The following ETFB variants were observed in gnomAD, a reference collection of about 807,000 sequenced individuals.
ETFB encodes beta-ETF.
A neutral mutation model predicts 25.6 loss-of-function variants in ETFB; 20 were observed. The ratio of observed to expected loss-of-function variants is 0.78; its 90% CI spans 0.55 to 1.14. ETFB has a LOEUF of 1.14. Among genes scored for constraint, ETFB ranks in the 50% most tolerant of loss-of-function variants. The pLI, the probability that ETFB is intolerant of heterozygous loss-of-function variation, is 0.00. For missense variants in ETFB, 286 were observed against 342.6 expected (o/e 0.83, Z 1.30); for synonymous variants, 142 against 146.7 (o/e 0.97, Z 0.23).
intron 1 of ETFB, among the ~76,000 whole-genome samples, chr19:51,358,022 C>A (rs895731129): frequency 6.6e-6 from 1 of 152,214 alleles, no homozygotes; most frequent in Non-Finnish European, 1.5e-5. Context: ...GTCAGTACAT[C>A]AGCCAGAGCC....
chr19:51,349,722 G>A (rs1985884819), intron 4 of ETFB, among the ~76,000 whole-genome samples: 1 of 151,992 alleles, frequency 6.6e-6, no homozygotes, highest in Admixed American at 6.6e-5. Flanking sequence ...TAGGACTACA[G>A]GTGTGAGCCA....
chr19:51,346,644 C>T, intron 5 of ETFB: 2 of 494,628 alleles, frequency 4.0e-6, no homozygotes, highest in South Asian at 5.1e-5. Context: ...ACACCTTCTG[C>T]TGCCCAGCGA....
At chr19:51,362,687 A>G (rs1986261413) in intron 1 of ETFB, among the ~76,000 whole-genome samples, 1 of 152,230 alleles carries the variant, frequency 6.6e-6, no homozygotes, top group African/African-American at 2.4e-5. Context: ...TGTACAGAGT[A>G]GAAAAATGAG....
At chr19:51,363,573 C>G (rs1270390821) in intron 1 of ETFB, among the ~76,000 whole-genome samples, 1 of 152,042 alleles carries the variant, frequency 6.6e-6, no homozygotes, top group Non-Finnish European at 1.5e-5. Flanking sequence ...CTCAGCCTCC[C>G]GAGTAGCTGG....
chr19:51,355,416 G>C (rs962873721), intron 1 of ETFB: 2 of 152,176 alleles, frequency 1.3e-5, no homozygotes, highest in African/African-American at 4.8e-5. Flanking sequence ...CAGTTAGAAC[G>C]GCGATCATTA....
chr19:51,351,915 T>C (rs1269553389), intron 3 of ETFB, among the ~76,000 whole-genome samples: 2 of 152,000 alleles, frequency 1.3e-5, no homozygotes, highest in Admixed American at 1.3e-4. Flanking sequence ...TTGGCCTTCC[T>C]TCTCAGCCTC....
At chr19:51,360,437 A>T (rs12460204) in intron 1 of ETFB, among the ~76,000 whole-genome samples, 93,453 of 151,802 alleles carry the variant, frequency 0.62, 32,881 homozygotes, top group Non-Finnish European at 0.81. Context: ...AAATTTTTTT[A>T]AAAGCAGCAC....
intron 1 of ETFB, among the ~76,000 whole-genome samples, chr19:51,361,503 G>A (rs1360821661): frequency 2.0e-5 from 3 of 152,144 alleles, no homozygotes; most frequent in Non-Finnish European, 1.5e-5. Context: ...GAGAGCAGGA[G>A]GGGCAAGTGC....
At chr19:51,357,000 C>T (rs1422335053) in intron 1 of ETFB, 1 of 152,038 alleles carries the variant, frequency 6.6e-6, no homozygotes, top group Non-Finnish European at 1.5e-5. Flanking sequence ...CAGGGCCCAC[C>T]TAAATAATCC....
chr19:51,350,837 G>A (rs995241677), intron 3 of ETFB, among the ~76,000 whole-genome samples: 4 of 152,214 alleles, frequency 2.6e-5, no homozygotes, highest in African/African-American at 4.8e-5. Flanking sequence ...AGGTCATACG[G>A]TCTCTGTCAC....
At chr19:51,352,236 C>T (rs2123584744) in intron 3 of ETFB, among the ~76,000 whole-genome samples, 1 of 152,242 alleles carries the variant, frequency 6.6e-6, no homozygotes, top group Admixed American at 6.5e-5. Flanking sequence ...GCTCTTTCTG[C>T]ACCTAGTGCT....
chr19:51,366,362 C>T lies in ETFB; in HGVS notation c.-36G>A, dbSNP rs202118581. 3.1e-6 allele frequency: 5 copies of T among 1,604,972 alleles called. No individual in the cohort carries two copies. Among genetic ancestry groups the T allele is most frequent in the Non-Finnish European group, 4.3e-6 (5 of 1,175,960 alleles). On this transcript the variant is annotated 5_prime_UTR_variant, in exon 1 of 6. The change creates a new upstream start codon in the 5' untranslated region. Coordinates refer to ENST00000309244, the MANE Select transcript of ETFB (RefSeq NM_001985.3). ...CAGCCACTTACAGGGTCAGCCCGCA[C>T]CCTCAGCGGCTCAGTCCAGAAGCCC... is the stretch of plus-strand genomic sequence containing the variant.
chr19:51,351,304 C>A (rs965308253), intron 3 of ETFB, among the ~76,000 whole-genome samples: 1 of 152,200 alleles, frequency 6.6e-6, no homozygotes, highest in Non-Finnish European at 1.5e-5. Context: ...GGATCTGAGC[C>A]TGGAGATGCA....
At chr19:51,363,857 C>T (rs572699570) in intron 1 of ETFB, among the ~76,000 whole-genome samples, 10 of 152,196 alleles carry the variant, frequency 6.6e-5, no homozygotes, top group Non-Finnish European at 1.2e-4. Context: ...ACGGGCAAGC[C>T]GCGGCCTGGT....
At chr19:51,364,088 G>T (rs12610961) in intron 1 of ETFB, among the ~76,000 whole-genome samples, 14 of 151,818 alleles carry the variant, frequency 9.2e-5, no homozygotes, top group African/African-American at 3.1e-4. Flanking sequence ...GGTGCAGAAA[G>T]GCCCCTAAGG....
chr19:51,347,139 G>A (rs1985817579), intron 4 of ETFB, 81 bp from the exon 5 acceptor site: 3 of 1,388,140 alleles, frequency 2.2e-6, no homozygotes, highest in African/African-American at 1.4e-5. Context: ...CCACTACTGA[G>A]TACACGCATG....
chr19:51,350,147 C>T, intron 4 of ETFB, 182 bp downstream of exon 4: 1 of 636,050 alleles, frequency 1.6e-6, no homozygotes. Context: ...GCAAGGAAGG[C>T]CCCTTTGAAG....
At chr19:51,361,386 G>A (rs1307905803) in intron 1 of ETFB, among the ~76,000 whole-genome samples, 1 of 152,182 alleles carries the variant, frequency 6.6e-6, no homozygotes, top group Non-Finnish European at 1.5e-5. Context: ...AGGCCAGGGA[G>A]CCACCCCAGT....
chr19:51,359,456 T>C (rs1986166248), intron 1 of ETFB, among the ~76,000 whole-genome samples: 1 of 152,022 alleles, frequency 6.6e-6, no homozygotes, highest in Admixed American at 6.6e-5. Context: ...CTTCTTGCTG[T>C]GAGTCAGGGA....
Sources: allele counts gnomAD v4.1 joint callset (sites outside exome capture counted in the v4.1 genomes callset), GRCh38; gene constraint gnomAD v4.1.1; transcripts MANE v1.5; gene names NCBI Gene and HGNC (gene_info 2026-07-23, HGNC 2026-07-21).